The following FHIT variants were observed in gnomAD, a reference collection of about 807,000 sequenced individuals.
FHIT encodes fragile histidine triad diadenosine triphosphatase, also known as bis(5'-adenosyl)-triphosphatase.
FHIT carries 19 observed loss-of-function variants against 17.9 expected under a neutral mutation model. The observed-to-expected ratio is 1.06, with a 90% CI of 0.74 to 1.56. The LOEUF is 1.56. Ranked by LOEUF, FHIT falls within the 40% of genes most tolerant of loss-of-function variation. The pLI, the probability that FHIT is intolerant of heterozygous loss-of-function variation, is 0.00. For missense variants in FHIT, 248 were observed against 189.2 expected, an observed-to-expected ratio of 1.31 and a Z score of -1.82; for synonymous variants, 81 against 69.7, an observed-to-expected ratio of 1.16 and a Z score of -0.81.
intron 5 of FHIT, among the ~76,000 whole-genome samples, chr3:60,111,671 A>G (rs1460471331): frequency 2.6e-5 from 4 of 152,222 alleles, no homozygotes; most frequent in Non-Finnish European, 4.4e-5. Flanking sequence ...GGAACAGACT[A>G]TTGATTTACA....
chr3:60,634,780 T>C (rs2039537334), intron 4 of FHIT, among the ~76,000 whole-genome samples: 1 of 152,266 alleles, frequency 6.6e-6, no homozygotes, highest in Admixed American at 6.5e-5. Flanking sequence ...CCCTAAATGC[T>C]GTTTGCAAAT....
At chr3:59,804,090 A>C (rs924435143) in intron 8 of FHIT, among the ~76,000 whole-genome samples, 16 of 152,192 alleles carry the variant, frequency 1.1e-4, no homozygotes, top group African/African-American at 3.9e-4. Flanking sequence ...CTTGATCATG[A>C]CATATTCTGT....
At chr3:60,607,852 A>C (rs2038658048) in intron 4 of FHIT, among the ~76,000 whole-genome samples, 1 of 152,186 alleles carries the variant, frequency 6.6e-6, no homozygotes, top group Admixed American at 6.5e-5. Flanking sequence ...TAGGCCAGAA[A>C]CTTGGCTTGC....
intron 2 of FHIT, among the ~76,000 whole-genome samples, chr3:61,079,691 C>A (rs2035076311): frequency 6.6e-6 from 1 of 152,192 alleles, no homozygotes; most frequent in Admixed American, 6.5e-5. Flanking sequence ...CACACATACA[C>A]ATGCAACCTA....
At chr3:59,849,202 G>T (rs1479212039) in intron 8 of FHIT, among the ~76,000 whole-genome samples, 1 of 151,986 alleles carries the variant, frequency 6.6e-6, no homozygotes, top group Non-Finnish European at 1.5e-5. Context: ...GAAAGCCCAT[G>T]GCTCCATTAA....
chr3:60,603,705 C>T (rs1375991382), intron 4 of FHIT, among the ~76,000 whole-genome samples: 1 of 151,974 alleles, frequency 6.6e-6, no homozygotes, highest in Non-Finnish European at 1.5e-5. Flanking sequence ...TCATAAAGTG[C>T]CTCTCTGGGT....
At chr3:60,625,246 A>T (rs1279286689) in intron 4 of FHIT, among the ~76,000 whole-genome samples, 1 of 152,214 alleles carries the variant, frequency 6.6e-6, no homozygotes, top group Non-Finnish European at 1.5e-5. Context: ...GTTGCTATGA[A>T]CATTCACGTA....
intron 3 of FHIT, among the ~76,000 whole-genome samples, chr3:60,823,849 G>C (rs1244905383): frequency 6.6e-6 from 1 of 152,114 alleles, no homozygotes; most frequent in Non-Finnish European, 1.5e-5. Flanking sequence ...AGGTGCAGGG[G>C]ACAACCATGA....
chr3:60,067,550 G>C (rs1019544244), intron 5 of FHIT, among the ~76,000 whole-genome samples: 10 of 152,144 alleles, frequency 6.6e-5, no homozygotes, highest in African/African-American at 2.4e-4. Flanking sequence ...AGTCATATTT[G>C]TCAAGAGAGC....
At chr3:60,651,720 C>A (rs935639635) in intron 4 of FHIT, among the ~76,000 whole-genome samples, 1 of 152,060 alleles carries the variant, frequency 6.6e-6, no homozygotes, top group Admixed American at 6.5e-5. Flanking sequence ...ATTAATGAAA[C>A]CTTCCTGCAA....
chr3:60,646,276 TACTTATATATATATACATTTACGCAC>T (rs1156352561), intron 4 of FHIT, among the ~76,000 whole-genome samples: 24 of 152,238 alleles, frequency 1.6e-4, no homozygotes, highest in African/African-American at 5.5e-4. Context: ...TGTAAAAAAT[TACTTATATATATATACATTTACGCAC>T]ACATTTTTTA....
chr3:61,015,235 G>GA (rs773696346), intron 3 of FHIT, among the ~76,000 whole-genome samples: 1 of 151,762 alleles, frequency 6.6e-6, no homozygotes, highest in South Asian at 2.1e-4. Flanking sequence ...GACTACTCGG[G>GA]AAAAAAAATT....
At chr3:60,890,806 A>C (rs1705476914) in intron 3 of FHIT, among the ~76,000 whole-genome samples, 1 of 152,180 alleles carries the variant, frequency 6.6e-6, no homozygotes, top group African/African-American at 2.4e-5. Context: ...CATAACATGG[A>C]GTTAGTTATG....
chr3:60,067,057 T>C (rs17062038), intron 5 of FHIT, among the ~76,000 whole-genome samples: 7,654 of 151,986 alleles, frequency 0.05, 231 homozygotes, highest in South Asian at 0.094. Context: ...TACTAGAAAA[T>C]AGATGCACCT....
At chr3:60,823,849 G>A (rs1244905383) in intron 3 of FHIT, among the ~76,000 whole-genome samples, 1 of 152,114 alleles carries the variant, frequency 6.6e-6, no homozygotes, top group Non-Finnish European at 1.5e-5. Flanking sequence ...AGGTGCAGGG[G>A]ACAACCATGA....
intron 5 of FHIT, among the ~76,000 whole-genome samples, chr3:60,345,100 T>C (rs1158991545): frequency 2.0e-5 from 3 of 152,214 alleles, no homozygotes; most frequent in Non-Finnish European, 4.4e-5. Context: ...TTCCCCATAC[T>C]TCACAAATTT....
chr3:61,197,140 A>G (rs2038875240), intron 2 of FHIT, among the ~76,000 whole-genome samples: 1 of 152,182 alleles, frequency 6.6e-6, no homozygotes, highest in Non-Finnish European at 1.5e-5. Flanking sequence ...TCAAATTTTC[A>G]TCTGTTTAAG....
At chr3:60,949,567 C>G (rs575560289) in intron 3 of FHIT, among the ~76,000 whole-genome samples, 1 of 152,106 alleles carries the variant, frequency 6.6e-6, no homozygotes, top group African/African-American at 2.4e-5. Flanking sequence ...AATCAGAAAG[C>G]GGGTCACTTC....
intron 5 of FHIT, among the ~76,000 whole-genome samples, chr3:60,457,910 G>A (rs1213272622): frequency 6.6e-6 from 1 of 151,976 alleles, no homozygotes; most frequent in Non-Finnish European, 1.5e-5. Context: ...TTAGAATGGT[G>A]ATCATTAAAA....
Sources: gnomAD v4.1 joint callset for allele counts (sites outside exome capture counted in the v4.1 genomes callset) on GRCh38, gnomAD v4.1.1 for gene constraint, MANE v1.5 for transcripts, NCBI Gene and HGNC (gene_info 2026-07-23, HGNC 2026-07-21) for gene names.